PRRG1: variants seen among roughly 807,000 people sequenced by gnomAD.
PRRG1 encodes the protein transmembrane gamma-carboxyglutamic acid protein 1.
In PRRG1, 5 loss-of-function variants were observed where a neutral mutation model predicts 11.8. The observed-to-expected ratio is 0.42, with a 90% CI of 0.22 to 0.89. The LOEUF (loss-of-function observed/expected upper bound fraction) is 0.89, where lower values mean the gene tolerates loss of function less well. Ranked by LOEUF, PRRG1 falls within the 40% of genes least tolerant of loss-of-function variation. The probability of loss-of-function intolerance (pLI) is 0.28; values close to 1 mark genes in which losing one functional copy is unlikely to be tolerated. For synonymous variants in PRRG1, 66 were observed against 60.4 expected (o/e 1.09, Z -0.43); for missense variants, 155 against 166.1 (o/e 0.93, Z 0.37).
chrX:37,388,051 C>T (rs1475212800), intron 1 of PRRG1, among the ~76,000 whole-genome samples: 1 of 112,034 alleles, frequency 8.9e-6, no homozygotes, highest in Non-Finnish European at 1.9e-5. Flanking sequence ...AAGTCTTAAA[C>T]CTCCAACCTC....
intron 2 of PRRG1, among the ~76,000 whole-genome samples, chrX:37,414,739 T>A (rs1602016522): frequency 8.8e-6 from 1 of 113,048 alleles, no homozygotes; most frequent in Non-Finnish European, 1.9e-5. Flanking sequence ...TCTCTTTCAG[T>A]TCTGAAAATC....
Position 37,417,013 on chromosome X carries a change from G to A in PRRG1, c.11-8827G>A, listed in dbSNP as rs1029701776. Among the ~76,000 whole-genome samples the A allele has an allele frequency of 2.2e-4, 24 of 111,138 alleles. No homozygotes were observed. In the Admixed American group the frequency reaches 2.3e-3, roughly 11 times the overall value. On this transcript the variant is annotated intron_variant, in intron 2 of 3. Coordinates refer to ENST00000378628, the MANE Select transcript of PRRG1 (RefSeq NM_001142395.2). Reference sequence around the variant, plus strand: ...TGAGATAGTTAGTGTCACTCTGGTGGGAACCATGTTTGTTTTATTTTTAAA... The same window carrying A: ...TGAGATAGTTAGTGTCACTCTGGTGAGAACCATGTTTGTTTTATTTTTAAA...
intron 2 of PRRG1, among the ~76,000 whole-genome samples, chrX:37,411,035 C>T (rs1246259858): frequency 1.8e-5 from 2 of 111,724 alleles, no homozygotes; most frequent in East Asian, 5.6e-4. Flanking sequence ...ACTCACATAG[C>T]ATTATAATAT....
At chrX:37,403,767 G>A (rs1395525799) in intron 1 of PRRG1, 1 of 753,371 alleles carries the variant, frequency 1.3e-6, no homozygotes, top group East Asian at 1.5e-4. Flanking sequence ...TCCATCAGAA[G>A]AAGCAAGGAG....
chrX:37,412,815 TGGCACA>T (rs1429140905), intron 2 of PRRG1, among the ~76,000 whole-genome samples: 2 of 111,469 alleles, frequency 1.8e-5, no homozygotes, highest in Non-Finnish European at 3.8e-5. Flanking sequence ...AAATAACCTT[TGGCACA>T]TAATTTTAGA....
rs782314748 is a variant in PRRG1 at position 37,423,232 on chromosome X, CT to C, written c.11-2601del. On this transcript the variant is annotated intron_variant, in intron 2 of 3. Transcript: ENST00000378628. The stretch of plus-strand genomic sequence containing the variant: ...AATTTTAATTTTTAACAAAAATTAA[CT>C]TTTTTTAACAAAAAAGTTAAATTTT... Among the ~76,000 whole-genome samples the C allele has an allele frequency of 2.9e-4, 32 of 109,297 alleles. No homozygotes were observed. In the East Asian group the frequency reaches 8.6e-3, roughly 29 times the overall value. The allele number at this position is 109,297 out of a possible 115,157, so 94.9% of individuals were successfully genotyped here.
intron 1 of PRRG1, among the ~76,000 whole-genome samples, 191 bp from the exon 2 acceptor site, chrX:37,406,018 A>G (rs1932179329): frequency 1.8e-5 from 2 of 112,022 alleles, no homozygotes; most frequent in Admixed American, 9.5e-5. Flanking sequence ...TGCTTCCAGA[A>G]TATTGTGCTT....
chrX:37,364,104 G>T (rs1399801842), intron 1 of PRRG1, among the ~76,000 whole-genome samples: 1 of 111,315 alleles, frequency 9.0e-6, no homozygotes, highest in Non-Finnish European at 1.9e-5. Context: ...GACCACATGG[G>T]ATTCCCTTTG....
chrX:37,389,278 C>G (rs1166128855), intron 1 of PRRG1, among the ~76,000 whole-genome samples: 1 of 111,955 alleles, frequency 8.9e-6, no homozygotes, highest in African/African-American at 3.2e-5. Flanking sequence ...TGCCCATTAC[C>G]TAGTTCCAAA....
chrX:37,420,983 A>G (rs1245661013), intron 2 of PRRG1, among the ~76,000 whole-genome samples: 1 of 112,298 alleles, frequency 8.9e-6, no homozygotes, highest in Admixed American at 9.4e-5. Flanking sequence ...CGTCATGTTC[A>G]GTCTTACAAT....
chrX:37,355,545 C>T (rs782026856), intron 1 of PRRG1, among the ~76,000 whole-genome samples: 16 of 111,123 alleles, frequency 1.4e-4, no homozygotes, highest in African/African-American at 4.9e-4. Flanking sequence ...AGTCAAGGAG[C>T]GATTGAATGT....
chrX:37,432,046 G>C (rs1394890831), intron 3 of PRRG1, among the ~76,000 whole-genome samples: 1 of 108,517 alleles, frequency 9.2e-6, no homozygotes, highest in East Asian at 2.9e-4. Context: ...CAAAGTGCTA[G>C]GATTATAGGC....
chrX:37,433,023 T>C (rs1198577581), intron 3 of PRRG1, among the ~76,000 whole-genome samples: 1 of 111,567 alleles, frequency 9.0e-6, no homozygotes, highest in East Asian at 2.8e-4. Context: ...GGTTCTAATA[T>C]GAAAATATAC....
chrX:37,420,483 T>C (rs1186561868), intron 2 of PRRG1, among the ~76,000 whole-genome samples: 1 of 109,710 alleles, frequency 9.1e-6, no homozygotes, highest in South Asian at 3.9e-4. Flanking sequence ...TTCTCTGTTC[T>C]TGATGTTCTT....
At chrX:37,420,863 GAAGTGAATAAAT>G (rs2146601002) in intron 2 of PRRG1, among the ~76,000 whole-genome samples, 1 of 109,368 alleles carries the variant, frequency 9.1e-6, no homozygotes, top group South Asian at 3.9e-4. Flanking sequence ...CTCTGTCTCA[GAAGTGAATAAAT>G]AAGTAAATAA....
chrX:37,399,797 C>T (rs1602002474), intron 1 of PRRG1, among the ~76,000 whole-genome samples: 1 of 105,207 alleles, frequency 9.5e-6, no homozygotes, highest in Non-Finnish European at 2.0e-5. Context: ...ATCTACCAAG[C>T]AAATGGAAAA....
chrX:37,416,317 A>G (rs895711583), intron 2 of PRRG1, among the ~76,000 whole-genome samples: 1 of 112,302 alleles, frequency 8.9e-6, no homozygotes, highest in African/African-American at 3.2e-5. Context: ...CCTACAGTCT[A>G]TGCTGATGAG....
chrX:37,399,937 C>T (rs1329236859), intron 1 of PRRG1, among the ~76,000 whole-genome samples: 1 of 111,182 alleles, frequency 9.0e-6, no homozygotes, highest in Non-Finnish European at 1.9e-5. Context: ...GCTAACTATC[C>T]TAAATATATA....
intron 1 of PRRG1, among the ~76,000 whole-genome samples, chrX:37,385,182 A>G (rs1556374860): frequency 8.9e-6 from 1 of 112,294 alleles, no homozygotes; most frequent in Admixed American, 9.4e-5. Context: ...ATATGCAACA[A>G]TATGGATGAA....
Sources: allele counts gnomAD v4.1 joint callset (sites outside exome capture counted in the v4.1 genomes callset), GRCh38; gene constraint gnomAD v4.1.1; transcripts MANE v1.5; gene names NCBI Gene and HGNC (gene_info 2026-07-23, HGNC 2026-07-21).